Variants in CYFIP1 observed in about 807,000 individuals in gnomAD.
The protein encoded by CYFIP1 is cytoplasmic FMR1 interacting protein 1, also known as cytoplasmic FMR1-interacting protein 1.
In CYFIP1, 58 loss-of-function variants were observed where a neutral mutation model predicts 163.5. The ratio of observed to expected loss-of-function variants is 0.35; its 90% CI spans 0.29 to 0.44. The LOEUF (loss-of-function observed/expected upper bound fraction) is 0.44, where lower values mean the gene tolerates loss of function less well. Among genes scored for constraint, CYFIP1 ranks in the 20% least tolerant of loss-of-function variants. The pLI is 1.00. For synonymous variants in CYFIP1, 663 were observed against 660.7 expected, an observed-to-expected ratio of 1.00 and a Z score of -0.05; for missense variants, 1,338 against 1,653.8, an observed-to-expected ratio of 0.81 and a Z score of 3.31.
At chr15:22,938,394 CAGG>C (rs1189473147) in intron 8 of CYFIP1, among the ~76,000 whole-genome samples, 2 of 151,932 alleles carry the variant, frequency 1.3e-5, no homozygotes, top group African/African-American at 2.4e-5. Context: ...TGCTTGAGCC[CAGG>C]AGTTCAAGGT....
intron 26 of CYFIP1, among the ~76,000 whole-genome samples, chr15:22,878,837 A>T (rs1424986265): frequency 6.6e-6 from 1 of 152,180 alleles, no homozygotes; most frequent in Non-Finnish European, 1.5e-5. Context: ...AATGAGCTGT[A>T]GAAAAATAGG....
chr15:22,877,533 A>C (rs2059620302), intron 26 of CYFIP1, among the ~76,000 whole-genome samples: 1 of 152,160 alleles, frequency 6.6e-6, no homozygotes, highest in Non-Finnish European at 1.5e-5. Flanking sequence ...TCATAATGAG[A>C]GATTATACTT....
At chr15:22,959,032 C>T (rs778676995) in intron 1 of CYFIP1, among the ~76,000 whole-genome samples, 18 of 152,190 alleles carry the variant, frequency 1.2e-4, no homozygotes, top group Non-Finnish European at 2.1e-4. Context: ...GTCCCACTGC[C>T]CCAGGTGGGG....
chr15:22,879,985 C>G lies in CYFIP1; in HGVS notation c.2970G>C (p.Lys990Asn). ...CCCGCAGGTTCTGGAAGCACACCGT[C>G]TTCAGCTCTGCGTACTCCACGATGT... ...LKDIVEYAEL[K>N]TVCFQNLREV... The change falls in exon 26 of 31, where the codon AAG becomes AAC. Residue 990 changes from lysine (K) to asparagine (N), a missense_variant. Physicochemically the swap from Lys to Asn is moderately conservative, Grantham distance 94. Around this residue, in one of 4 missense-constraint regions of CYFIP1, gnomAD observed 22 missense variants for 47.7 expected, o/e 0.46. Coordinates refer to ENST00000617928, the MANE Select transcript of CYFIP1 (RefSeq NM_014608.6). 6.2e-7 allele frequency: 1 copy of G among 1,613,988 alleles called. No individual in the cohort carries two copies. The highest frequency in any genetic ancestry group is 8.5e-7 in the Non-Finnish European group (1 of 1,179,996).
chr15:22,877,732 C>A (rs779710945), intron 26 of CYFIP1, among the ~76,000 whole-genome samples: 5 of 152,156 alleles, frequency 3.3e-5, no homozygotes, highest in Admixed American at 2.0e-4. Flanking sequence ...GGGTCCCCAC[C>A]GAGCCTGTGG....
rs58565266 is a variant in CYFIP1, at chr15:22,908,518, C to CTTTTTTTTT, written c.2388+667_2388+675dup. On this transcript the variant is annotated intron_variant, in intron 21 of 30. Coordinates refer to ENST00000617928, the MANE Select transcript of CYFIP1 (RefSeq NM_014608.6). ...CTCTTGGTCCCTAAAGAAGATATTT[C>CTTTTTTTTT]TTTTTTTTTTTTTTTTTTTTTTTTT... Among the ~76,000 whole-genome samples, 50 of 75,490 alleles carry CTTTTTTTTT rather than the reference C, an allele frequency of 6.6e-4. 3 individuals carry two copies. The highest frequency in any genetic ancestry group is 2.7e-3 in the African/African-American group (46 of 16,770). The allele number at this position is 75,490 out of a possible 152,430, so 49.5% of individuals were successfully genotyped here.
intron 11 of CYFIP1, among the ~76,000 whole-genome samples, chr15:22,931,519 T>C (rs528283005): frequency 6.6e-6 from 1 of 152,042 alleles, no homozygotes; most frequent in East Asian, 1.9e-4. Context: ...CTTCTAGGCT[T>C]ACAGGGGCCC....
rs761258734 is a variant in CYFIP1 at position 22,879,948 on chromosome 15, C to T, written c.3007G>A (p.Ala1003Thr). Reference sequence around the variant, plus strand: ...TCGATGAGCAGGCAGAAGAGGATGGCGTTCCCCACCTCCCGCAGGTTCTGG... The same window carrying T: ...TCGATGAGCAGGCAGAAGAGGATGGTGTTCCCCACCTCCCGCAGGTTCTGG... ...CFQNLREVGN[A>T]ILFCLLIEQS... The change falls in exon 26 of 31, where the codon GCC becomes ACC. Residue 1003 changes from alanine (A) to threonine (T), a missense_variant. By Grantham distance (58) the Ala-to-Thr change is moderately conservative. This residue lies in a region of CYFIP1 where 22 missense variants were observed against 47.7 expected (regional missense o/e 0.46). Transcript: ENST00000617928. 3.7e-6 allele frequency: 6 copies of T among 1,613,330 alleles called. No individual in the cohort carries two copies. The highest frequency in any genetic ancestry group is 1.7e-5 in the Admixed American group (1 of 59,988).
intron 22 of CYFIP1, among the ~76,000 whole-genome samples, chr15:22,898,790 T>C (rs997948412): frequency 2.6e-5 from 4 of 151,970 alleles, no homozygotes; most frequent in African/African-American, 9.7e-5. Flanking sequence ...GATTATGAGG[T>C]CAGGAGATCA....
chr15:22,935,854 A>G (rs1470910351), intron 9 of CYFIP1, among the ~76,000 whole-genome samples: 2 of 152,234 alleles, frequency 1.3e-5, no homozygotes, highest in African/African-American at 2.4e-5. Context: ...TCATTTCACA[A>G]TGTGTATGTG....
intron 3 of CYFIP1, among the ~76,000 whole-genome samples, chr15:22,946,195 T>A (rs2062052649): frequency 6.6e-6 from 1 of 151,488 alleles, no homozygotes; most frequent in Non-Finnish European, 1.5e-5. Flanking sequence ...TCCCAGCTAC[T>A]CAGGAGGCAG....
intron 5 of CYFIP1, 45 bp from the exon 6 acceptor site, chr15:22,943,399 G>C: frequency 6.3e-7 from 1 of 1,590,164 alleles, no homozygotes; most frequent in South Asian, 1.1e-5. Flanking sequence ...GGTCAGTGAG[G>C]AGCCAAGCCC....
chr15:22,924,233 G>A (rs191040321), intron 13 of CYFIP1, among the ~76,000 whole-genome samples: 8 of 152,160 alleles, frequency 5.3e-5, no homozygotes, highest in Admixed American at 4.6e-4. Context: ...AGACCAGCCC[G>A]GCCAACATGG....
chr15:22,936,918 C>G (rs2061728905), intron 9 of CYFIP1, among the ~76,000 whole-genome samples, 186 bp downstream of exon 9: 1 of 152,114 alleles, frequency 6.6e-6, no homozygotes, highest in Non-Finnish European at 1.5e-5. Flanking sequence ...CCAGGCAAAA[C>G]CAGCACAGGG....
chr15:22,951,846 C>T (rs1359994032), intron 1 of CYFIP1, among the ~76,000 whole-genome samples: 1 of 152,206 alleles, frequency 6.6e-6, no homozygotes, highest in African/African-American at 2.4e-5. Flanking sequence ...CGTGCGTCAG[C>T]TGTGATCCAC....
At position 22,933,956 on chromosome 15, in the gene CYFIP1, C is replaced by A. The variant is rs932853813; in HGVS notation, c.901-63G>T. On this transcript the variant is annotated intron_variant, in intron 9 of 30. Transcript: ENST00000617928. ...TATTTAGTCACCAAATACATAAGCA[C>A]AAGGAAACTGACTAATGCTAATAAT... 14 of 1,161,770 alleles carry A rather than the reference C, an allele frequency of 1.2e-5. No individual in the cohort carries two copies. In the South Asian group the frequency reaches 1.6e-4, roughly 13 times the overall value. 72.0% of individuals were successfully genotyped at this position (1,161,770 alleles called of 1,614,324 possible).
intron 15 of CYFIP1, 161 bp from the exon 16 acceptor site, chr15:22,916,791 C>A (rs116420052): frequency 1.3e-6 from 2 of 1,581,408 alleles, no homozygotes; most frequent in African/African-American, 2.7e-5. Flanking sequence ...TCTACGCGGC[C>A]ACGTTGCTGC....
chr15:22,942,502 G>A (rs534673498), intron 6 of CYFIP1, among the ~76,000 whole-genome samples: 9 of 151,066 alleles, frequency 6.0e-5, no homozygotes, highest in African/African-American at 2.0e-4. Flanking sequence ...GCAGCGCGCC[G>A]AGTGTCACCA....
rs567522569 is a variant in CYFIP1, at chr15:22,913,586, G to A, written c.1985+1140C>T. 8.4e-5 allele frequency among the ~76,000 whole-genome samples: 11 copies of A among 131,118 alleles called. No individual in the cohort carries two copies. The South Asian group carries it at 2.2e-3, about 26-fold the overall frequency. 86.0% of individuals were successfully genotyped at this position (131,118 alleles called of 152,430 possible). ...AAAAAAAAGAAAAAATTACACCAAC[G>A]GAAGTACATAGACAGCATTAAAAAA... On this transcript the variant is annotated intron_variant, in intron 17 of 30. Transcript: ENST00000617928.
Sources: gnomAD v4.1 joint callset for allele counts (sites outside exome capture counted in the v4.1 genomes callset) on GRCh38, gnomAD v4.1.1 for gene constraint, gnomAD v4.1.1 regional missense constraint, MANE v1.5 for transcripts, NCBI Gene and HGNC (gene_info 2026-07-23, HGNC 2026-07-21) for gene names.